ZNF496: variants seen among roughly 807,000 people sequenced by gnomAD.
ZNF496 encodes zinc finger protein 496.
ZNF496 carries 11 observed loss-of-function variants against 58.9 expected under a neutral mutation model. The ratio of observed to expected loss-of-function variants is 0.19; its 90% CI spans 0.12 to 0.31. ZNF496 has a LOEUF of 0.31. Ranked by LOEUF, ZNF496 falls within the 10% of genes least tolerant of loss-of-function variation. The pLI is 1.00. For synonymous variants in ZNF496, 338 were observed against 318.2 expected, an observed-to-expected ratio of 1.06 and a Z score of -0.66; for missense variants, 660 against 783.0, an observed-to-expected ratio of 0.84 and a Z score of 1.88.
intron 9 of ZNF496, 119 bp from the exon 10 acceptor site, chr1:247,301,395 C>T: frequency 6.7e-6 from 9 of 1,353,086 alleles, no homozygotes; most frequent in Middle Eastern, 2.1e-4. Flanking sequence ...CAATGGTCCT[C>T]GGTGACCGGG....
At chr1:247,318,963 A>G (rs1048674732) in intron 6 of ZNF496, among the ~76,000 whole-genome samples, 3 of 152,160 alleles carry the variant, frequency 2.0e-5, no homozygotes, top group Admixed American at 1.3e-4. Flanking sequence ...AGGGTATGTA[A>G]AAGGAGGTAT....
chr1:247,314,742 TTTTC>T (rs1242195021), intron 6 of ZNF496, among the ~76,000 whole-genome samples: 1 of 151,996 alleles, frequency 6.6e-6, no homozygotes, highest in Non-Finnish European at 1.5e-5. Context: ...GAAGGAGTGA[TTTTC>T]TTTCTTTCTC....
chr1:247,308,005 T>C lies in ZNF496; in HGVS notation c.1006+470A>G, dbSNP rs951463382. 3.0e-6 allele frequency: 3 copies of C among 985,292 alleles called. No individual in the cohort carries two copies. Among genetic ancestry groups the C allele is most frequent in the African/African-American group, 3.5e-5 (2 of 57,222 alleles). The allele number at this position is 985,292 out of a possible 1,614,324, so 61.0% of individuals were successfully genotyped here. A position where few individuals can be genotyped will look rare whatever the true frequency, so the allele number is the denominator to read the frequency against. Reference sequence around the variant, plus strand: ...CTTTAATCCCAGTTCCAAGATTCTGTGCCAGGATGCTGGCCATCCATGCTG... The same window carrying C: ...CTTTAATCCCAGTTCCAAGATTCTGCGCCAGGATGCTGGCCATCCATGCTG... On this transcript the variant is annotated intron_variant, in intron 9 of 9. Transcript: ENST00000682384. The surrounding 1 kb of genome is among the most constrained non-coding windows in gnomAD (Gnocchi z 4.5).
intron 6 of ZNF496, among the ~76,000 whole-genome samples, chr1:247,315,690 T>G (rs149046523): frequency 2.2e-4 from 34 of 152,282 alleles, no homozygotes; most frequent in African/African-American, 7.9e-4. Flanking sequence ...AAAGGGTATT[T>G]GGAAGTCTCT....
chr1:247,307,245 G>A (rs1008354968), intron 9 of ZNF496: 2 of 985,400 alleles, frequency 2.0e-6, no homozygotes, highest in Non-Finnish European at 2.4e-6. Flanking sequence ...GCTGGCAGGA[G>A]CTACCAAAAT....
At chr1:247,304,654 G>A (rs967135739) in intron 9 of ZNF496, among the ~76,000 whole-genome samples, 1 of 152,108 alleles carries the variant, frequency 6.6e-6, no homozygotes, top group Admixed American at 6.5e-5. Flanking sequence ...TTATAGGCAC[G>A]AGCCACACCA....
chr1:247,308,830 A>C lies in ZNF496; in HGVS notation c.893-242T>G, dbSNP rs1305626267. 3 of 454,290 alleles carry C rather than the reference A, an allele frequency of 6.6e-6. No individual in the cohort carries two copies. Among genetic ancestry groups the C allele is most frequent in the East Asian group, 4.4e-5 (1 of 22,652 alleles). 28.1% of individuals were successfully genotyped at this position (454,290 alleles called of 1,614,324 possible). ...CAGAATCGACGTAGATCCGGGTTCT[A>C]CTCCACCCACTCTATGGCCAGAGAC... On this transcript the variant is annotated intron_variant, in intron 8 of 9. Transcript: ENST00000682384. This position sits in a 1 kb window ranked among gnomAD's most constrained non-coding sequence, Gnocchi z 4.5.
intron 9 of ZNF496, among the ~76,000 whole-genome samples, chr1:247,302,720 G>A (rs111337327): frequency 0.043 from 6,588 of 152,226 alleles, 199 homozygotes; most frequent in Non-Finnish European, 0.063. Context: ...GCTTCTCTGA[G>A]CTTGGGTCAT....
rs1039615755 is a variant in ZNF496 at position 247,323,250 on chromosome 1, G to A, written c.575-20C>T. 1.9e-6 allele frequency: 3 copies of A among 1,610,510 alleles called. No homozygotes were observed. The highest frequency in any genetic ancestry group is 2.2e-5 in the East Asian group (1 of 44,858). On this transcript the variant is annotated intron_variant, in intron 5 of 9. Transcript: ENST00000682384. ...GCAGAACTGAAAGAGATCAGAAAAT[G>A]GTGTCCTAAAGTGGGCCAGGGCCAG...
chr1:247,305,386 A>C (rs1185973255), intron 9 of ZNF496, among the ~76,000 whole-genome samples: 1 of 152,254 alleles, frequency 6.6e-6, no homozygotes. Flanking sequence ...TTTCCAAATA[A>C]AAAATGTAAG....
At chr1:247,331,352 G>A (rs973976108) in intron 2 of ZNF496, 80 bp downstream of exon 2, 1 of 152,402 alleles carries the variant, frequency 6.6e-6, no homozygotes, top group Non-Finnish European at 1.5e-5. Flanking sequence ...CTGTGGGCCA[G>A]GGAAGGGGGA....
At chr1:247,322,680 A>G in intron 6 of ZNF496, 1 of 1,277,972 alleles carries the variant, frequency 7.8e-7, no homozygotes, top group Non-Finnish European at 1.0e-6. Context: ...CATTCGAGGA[A>G]ATTCTGGAAT....
In ZNF496 at chr1:247,308,362, C is replaced by T. The variant is rs149208098; in HGVS notation, c.1006+113G>A. 5.0e-5 allele frequency: 47 copies of T among 936,686 alleles called. No homozygotes were observed. Among genetic ancestry groups the T allele is most frequent in the Admixed American group, 2.8e-4 (15 of 54,054 alleles). The allele number at this position is 936,686 out of a possible 1,614,324, so 58.0% of individuals were successfully genotyped here. A position where few individuals can be genotyped will look rare whatever the true frequency, so the allele number is the denominator to read the frequency against. ...ACCACATATACCACATGTGTATGCACGCACACATGCATTCAACACAACCAT... is the reference window on the plus strand; with the variant it reads ...ACCACATATACCACATGTGTATGCATGCACACATGCATTCAACACAACCAT... On this transcript the variant is annotated intron_variant, in intron 9 of 9. Transcript: ENST00000682384. The surrounding 1 kb of genome is among the most constrained non-coding windows in gnomAD (Gnocchi z 4.5).
At chr1:247,324,436 T>G (rs2103030955) in intron 5 of ZNF496, among the ~76,000 whole-genome samples, 1 of 152,286 alleles carries the variant, frequency 6.6e-6, no homozygotes, top group South Asian at 2.1e-4. Flanking sequence ...ACTGTGTACT[T>G]GAAAATTGCT....
At chr1:247,307,882 C>G (rs1160062751) in intron 9 of ZNF496, 1 of 984,836 alleles carries the variant, frequency 1.0e-6, no homozygotes, top group African/African-American at 1.8e-5. Context: ...TTTACCAAGA[C>G]GACTCAGAGT....
At chr1:247,322,637 T>A in intron 6 of ZNF496, 1 of 1,136,096 alleles carries the variant, frequency 8.8e-7, no homozygotes, top group Non-Finnish European at 1.2e-6. Context: ...AGCACCCGAG[T>A]AAGCAAGTCT....
rs1315313292 is a variant in ZNF496, at chr1:247,300,922, A to G, written c.1361T>C (p.Leu454Pro). The G allele has an allele frequency of 1.2e-6, 2 of 1,613,394 alleles. No homozygotes were observed. Among genetic ancestry groups the G allele is most frequent in the Non-Finnish European group, 1.7e-6 (2 of 1,179,710 alleles). ...AGGCTTCTGGGCCTCGTGGCTCTCT[A>G]GGTGCCCATCCAGGTCCTCGCTGTC... ...FSDSEDLDGH[L>P]ESHEAQKPYR... The change falls in exon 10 of 10, where the codon CTA becomes CCA. Residue 454 changes from leucine to proline, a missense_variant. Physicochemically the swap from Leu to Pro is moderately conservative, Grantham distance 98 (BLOSUM62 -3). Coordinates refer to ENST00000682384, the MANE Select transcript of ZNF496 (RefSeq NM_032752.3). This position sits in a 1 kb window ranked among gnomAD's most constrained non-coding sequence, Gnocchi z 5.7.
chr1:247,300,569 C>G lies in ZNF496; in HGVS notation c.1714G>C (p.Glu572Gln), dbSNP rs942967156. ...GAACGGCGCTTCATGTGCAGGCGCT[C>G]GTGGCGGAGGAGGTCATAGTTCTGC... The part of the protein sequence containing the change: ...FTQNYDLLRH[E>Q]RLHMKRRSKQ... The change falls in exon 10 of 10, where the codon GAG (glutamate) becomes CAG (glutamine). Residue 572 changes from glutamate (E) to glutamine (Q), a missense_variant. Transcript: ENST00000682384. This position sits in a 1 kb window ranked among gnomAD's most constrained non-coding sequence, Gnocchi z 5.7. 1 of 1,612,470 alleles carries G rather than the reference C, an allele frequency of 6.2e-7. No homozygotes were observed. Among genetic ancestry groups the G allele is most frequent in the African/African-American group, 1.3e-5 (1 of 74,894 alleles).
chr1:247,306,646 T>C (rs972843885), intron 9 of ZNF496, among the ~76,000 whole-genome samples: 1 of 151,566 alleles, frequency 6.6e-6, no homozygotes, highest in African/African-American at 2.4e-5. Flanking sequence ...AGACTACAGG[T>C]GTCTGCCACT....
Sources: allele counts gnomAD v4.1 joint callset (sites outside exome capture counted in the v4.1 genomes callset), GRCh38; gene constraint gnomAD v4.1.1; non-coding constraint Gnocchi (gnomAD v3.1); transcripts MANE v1.5; gene names NCBI Gene and HGNC (gene_info 2026-07-23, HGNC 2026-07-21).